The following VAV2 variants were observed in gnomAD, a reference collection of about 807,000 sequenced individuals.
VAV2 encodes the protein vav guanine nucleotide exchange factor 2.
VAV2 carries 67 observed loss-of-function variants against 132.5 expected under a neutral mutation model. The ratio of observed to expected loss-of-function variants is 0.51; its 90% CI spans 0.42 to 0.62. The LOEUF (loss-of-function observed/expected upper bound fraction) is 0.62. Among genes scored for constraint, VAV2 ranks in the 20% least tolerant of loss-of-function variants. The pLI, the probability that VAV2 is intolerant of heterozygous loss-of-function variation, is 0.00. For missense variants in VAV2, 938 were observed against 1,153.6 expected (o/e 0.81, Z 2.71); for synonymous variants, 492 against 443.5 (o/e 1.11, Z -1.37).
chr9:133,778,238 CAG>C (rs1473504324), intron 22 of VAV2, among the ~76,000 whole-genome samples: 1 of 152,136 alleles, frequency 6.6e-6, no homozygotes, highest in Non-Finnish European at 1.5e-5. Flanking sequence ...GCCTTGGAAA[CAG>C]AGCAGCACAT....
chr9:133,978,346 A>T (rs574686629), intron 1 of VAV2, among the ~76,000 whole-genome samples: 3 of 152,306 alleles, frequency 2.0e-5, no homozygotes, highest in African/African-American at 7.2e-5. Flanking sequence ...AAAGTCCTTA[A>T]CAACAGAAGA....
At chr9:133,896,749 T>C (rs1839219596) in intron 2 of VAV2, among the ~76,000 whole-genome samples, 1 of 152,128 alleles carries the variant, frequency 6.6e-6, no homozygotes, top group South Asian at 2.1e-4. Flanking sequence ...AAAGTTGATA[T>C]TAATATAAAT....
In VAV2 at chr9:133,802,272, G is replaced by T. The variant is rs1273521873; in HGVS notation, c.836+3809C>A. Reference sequence around the variant, plus strand: ...TGGAATAACACACACGGGCACACATGTATGCACACACACACACATGCATGT... The same window carrying T: ...TGGAATAACACACACGGGCACACATTTATGCACACACACACACATGCATGT... On this transcript the variant is annotated intron_variant, in intron 9 of 29. Transcript: ENST00000371850. This position sits in a 1 kb window ranked among gnomAD's most constrained non-coding sequence, Gnocchi z 5.8. Among the ~76,000 whole-genome samples, 3 of 140,416 alleles carry T rather than the reference G, an allele frequency of 2.1e-5. No individual in the cohort carries two copies. The highest frequency in any genetic ancestry group is 6.4e-5 in the African/African-American group (2 of 31,468). 92.1% of individuals were successfully genotyped at this position (140,416 alleles called of 152,430 possible). A position where few individuals can be genotyped will look rare whatever the true frequency, so the allele number is the denominator to read the frequency against.
chr9:133,887,672 G>A lies in VAV2; in HGVS notation c.322-26240C>T, dbSNP rs145024578. On this transcript the variant is annotated intron_variant, in intron 2 of 29. Coordinates refer to ENST00000371850, the MANE Select transcript of VAV2 (RefSeq NM_001134398.2). ...ACCCTCCCCAACCCCAGCACCCCAG[G>A]GACATCAGAGGCTGAGGGATGAGAT... Among the ~76,000 whole-genome samples, 797 of 152,146 alleles carry A rather than the reference G, an allele frequency of 5.2e-3. 9 individuals are homozygous for A. Among genetic ancestry groups the A allele is most frequent in the African/African-American group, 0.018 (757 of 41,510 alleles).
In VAV2 at chr9:133,884,890, C is replaced by T. The variant is rs1205919122; in HGVS notation, c.322-23458G>A. 3.3e-5 allele frequency among the ~76,000 whole-genome samples: 5 copies of T among 152,126 alleles called. No homozygotes were observed. The highest frequency in any genetic ancestry group is 7.4e-5 in the Non-Finnish European group (5 of 68,018). On this transcript the variant is annotated intron_variant, in intron 2 of 29. Coordinates refer to ENST00000371850, the MANE Select transcript of VAV2 (RefSeq NM_001134398.2). The surrounding 1 kb of genome is among the most constrained non-coding windows in gnomAD (Gnocchi z 5.3). ...ATCCCCTCCCACTCAGCCAGAGGGG[C>T]GCAGCGCTGTCCACAACTCACACCC...
At chr9:133,901,260 T>C (rs989462315) in intron 2 of VAV2, among the ~76,000 whole-genome samples, 13 of 152,218 alleles carry the variant, frequency 8.5e-5, no homozygotes, top group East Asian at 3.9e-4. Flanking sequence ...TATTGGGCGC[T>C]TGCCATTCAA....
intron 2 of VAV2, among the ~76,000 whole-genome samples, chr9:133,861,752 G>A (rs1352303056): frequency 2.0e-5 from 3 of 152,172 alleles, no homozygotes; most frequent in Non-Finnish European, 4.4e-5. Context: ...CTTCACCGAG[G>A]CCACCTTTAA....
chr9:133,886,130 G>C (rs1205882626), intron 2 of VAV2, among the ~76,000 whole-genome samples: 1 of 152,170 alleles, frequency 6.6e-6, no homozygotes, highest in African/African-American at 2.4e-5. Flanking sequence ...TGGAGCAGGC[G>C]GGGAGGGAAA....
At chr9:133,967,575 T>C (rs1842185254) in intron 1 of VAV2, among the ~76,000 whole-genome samples, 1 of 152,162 alleles carries the variant, frequency 6.6e-6, no homozygotes, top group Non-Finnish European at 1.5e-5. Flanking sequence ...AATCCTGTCA[T>C]TGCAGCAATG....
intron 2 of VAV2, among the ~76,000 whole-genome samples, chr9:133,937,986 G>A (rs868493405): frequency 1.6e-4 from 24 of 152,294 alleles, no homozygotes; most frequent in African/African-American, 4.8e-4. Flanking sequence ...CTCCGGGATC[G>A]CCCTTGTTCC....
chr9:133,806,822 C>T (rs533834180), intron 8 of VAV2, among the ~76,000 whole-genome samples: 9 of 152,370 alleles, frequency 5.9e-5, no homozygotes, highest in African/African-American at 1.9e-4. Context: ...GCACGGCTGC[C>T]GGAGCCTGGT....
intron 2 of VAV2, among the ~76,000 whole-genome samples, chr9:133,905,150 C>T (rs1358188719): frequency 3.3e-5 from 5 of 152,148 alleles, no homozygotes; most frequent in East Asian, 1.9e-4. Context: ...GTGGCTCAGC[C>T]GGGCGCGGTG....
intron 1 of VAV2, among the ~76,000 whole-genome samples, chr9:133,943,897 C>G (rs1402394450): frequency 2.0e-5 from 3 of 152,242 alleles, no homozygotes; most frequent in East Asian, 1.9e-4. Flanking sequence ...TGTGGTGACA[C>G]AGGCTCCATG....
chr9:133,905,768 C>T (rs1041004292), intron 2 of VAV2, among the ~76,000 whole-genome samples: 1 of 151,778 alleles, frequency 6.6e-6, no homozygotes, highest in African/African-American at 2.4e-5. Flanking sequence ...GGCGAGGTGA[C>T]TCACACGCCT....
At chr9:133,931,426 G>A (rs1840683947) in intron 2 of VAV2, among the ~76,000 whole-genome samples, 1 of 152,066 alleles carries the variant, frequency 6.6e-6, no homozygotes, top group Admixed American at 6.5e-5. Context: ...CAGGCAGGGA[G>A]CACCCTGTGC....
chr9:133,935,010 C>T lies in VAV2; in HGVS notation c.321+4093G>A, dbSNP rs1314004339. ...AGCCCTGGAGTCCCCAGCCCCACAC[C>T]CCCTCGGTTACCCCTGACCAGCCCC... On this transcript the variant is annotated intron_variant, in intron 2 of 29. Transcript: ENST00000371850. The surrounding 1 kb of genome is among the most constrained non-coding windows in gnomAD (Gnocchi z 5.2). 6.6e-6 allele frequency among the ~76,000 whole-genome samples: 1 copy of T among 151,980 alleles called. No individual in the cohort carries two copies. The highest frequency in any genetic ancestry group is 1.5e-5 in the Non-Finnish European group (1 of 67,974).
intron 2 of VAV2, among the ~76,000 whole-genome samples, chr9:133,898,155 C>G (rs569372875): frequency 3.9e-5 from 6 of 152,254 alleles, no homozygotes; most frequent in Non-Finnish European, 8.8e-5. Flanking sequence ...GGGCCTGCCC[C>G]GGGCTGCAAA....
Position 133,768,662 on chromosome 9 carries a change from C to A in VAV2, c.2435-66G>T. On this transcript the variant is annotated intron_variant, in intron 28 of 29. Coordinates refer to ENST00000371850, the MANE Select transcript of VAV2 (RefSeq NM_001134398.2). The surrounding 1 kb of genome is among the most constrained non-coding windows in gnomAD (Gnocchi z 5.3). ...AGCCCAACCAGTGATCCAGGAGGCCCTTGGGCCAAGCTGGGTCTCTCCCCT... is the reference window on the plus strand; with the variant it reads ...AGCCCAACCAGTGATCCAGGAGGCCATTGGGCCAAGCTGGGTCTCTCCCCT... 6.4e-7 allele frequency: 1 copy of A among 1,558,822 alleles called. No homozygotes were observed. The highest frequency in any genetic ancestry group is 2.3e-5 in the East Asian group (1 of 42,756).
intron 16 of VAV2, 24 bp downstream of exon 16, chr9:133,787,222 A>G (rs773299071): frequency 6.4e-7 from 1 of 1,567,764 alleles, no homozygotes; most frequent in Non-Finnish European, 8.7e-7. Flanking sequence ...GGCAGGTGGG[A>G]GGACCTGGGC....
Sources: allele counts gnomAD v4.1 joint callset (sites outside exome capture counted in the v4.1 genomes callset), GRCh38; gene constraint gnomAD v4.1.1; non-coding constraint Gnocchi (gnomAD v3.1); transcripts MANE v1.5; gene names NCBI Gene and HGNC (gene_info 2026-07-23, HGNC 2026-07-21).